PTPRF: variants seen among roughly 807,000 people sequenced by gnomAD.
The protein encoded by PTPRF is receptor-type tyrosine-protein phosphatase F.
In PTPRF, 59 loss-of-function variants were observed where a neutral mutation model predicts 201.8. That is an observed-to-expected ratio of 0.29 (90% CI 0.24 to 0.36). The LOEUF (loss-of-function observed/expected upper bound fraction) is 0.36, where lower values mean the gene tolerates loss of function less well. PTPRF is among the 10% of genes least tolerant of loss of function. The pLI, the probability that PTPRF is intolerant of heterozygous loss-of-function variation, is 1.00. For synonymous variants in PTPRF, 1,088 were observed against 1,089.7 expected, an observed-to-expected ratio of 1.00 and a Z score of 0.03; for missense variants, 2,132 against 2,690.5, an observed-to-expected ratio of 0.79 and a Z score of 4.59.
In PTPRF at chr1:43,550,175, C is replaced by T. The variant is rs533163907; in HGVS notation, c.92-3317C>T. Among the ~76,000 whole-genome samples, 20 of 152,282 alleles carry T rather than the reference C, an allele frequency of 1.3e-4. No homozygotes were observed. In the South Asian group the frequency reaches 4.1e-3, roughly 32 times the overall value. On this transcript the variant is annotated intron_variant, in intron 3 of 33. Transcript: ENST00000359947. ...GTTGGGTGGGCGGGCAGGGTGCAGG[C>T]TCCTCTCCAGCCTCCAAGGGAGGGG...
Position 43,545,053 on chromosome 1 carries a change from T to C in PTPRF, c.-23T>C, listed in dbSNP as rs751189277. ...CAGGTTGATTGTCCTGGGCTGTGGC[T>C]GGCTGTGGAGCTAGAGCCCTGGATG... is the stretch of plus-strand genomic sequence containing the variant. On this transcript the variant is annotated 5_prime_UTR_variant, in exon 3 of 34. Coordinates refer to ENST00000359947, the MANE Select transcript of PTPRF (RefSeq NM_002840.5). 10 of 1,553,592 alleles carry C rather than the reference T, an allele frequency of 6.4e-6. No homozygotes were observed. In the Admixed American group the frequency reaches 1.7e-4, roughly 27 times the overall value.
At position 43,606,391 on chromosome 1, in the gene PTPRF, G is replaced by A. The variant is rs376364770; in HGVS notation, c.3635G>A (p.Arg1212Gln). ...DKKNYRGFYNRPLSPDLSYQC... is the reference protein window; with the variant it reads ...DKKNYRGFYNQPLSPDLSYQC... ...AAGAACTACCGGGGCTTCTACAACC[G>A]GCCCCTGTCTCCGGACTTGAGCTAC... The change falls in exon 20 of 34, where the codon CGG (arginine) becomes CAG (glutamine). Residue 1212 changes from arginine (R) to glutamine (Q), a missense_variant. Coordinates refer to ENST00000359947, the MANE Select transcript of PTPRF (RefSeq NM_002840.5). 246 of 1,614,014 alleles carry A rather than the reference G, an allele frequency of 1.5e-4. No homozygotes were observed. The highest frequency in any genetic ancestry group is 1.9e-4 in the Non-Finnish European group (225 of 1,180,026).
In PTPRF at chr1:43,619,505, G is replaced by A. The variant is rs1303429374; in HGVS notation, c.4864G>A (p.Ala1622Thr). The A allele has an allele frequency of 6.2e-7, 1 of 1,614,052 alleles. No homozygotes were observed. The highest frequency in any genetic ancestry group is 8.5e-7 in the Non-Finnish European group (1 of 1,180,024). ...AGAGGTGCCTGCCCGCAACCTGTAT[G>A]CCCACATCCAGAAGCTGGGCCAAGT... is the stretch of plus-strand genomic sequence containing the variant. ...HTEVPARNLYAHIQKLGQVPP... is the reference protein window; with the variant it reads ...HTEVPARNLYTHIQKLGQVPP... The change falls in exon 28 of 34, where the codon GCC becomes ACC. Residue 1622 changes from alanine to threonine, a missense_variant. Physicochemically the swap from Ala to Thr is moderately conservative, Grantham distance 58. Transcript: ENST00000359947.
rs1296095019 is a variant in PTPRF at position 43,569,512 on chromosome 1, T to G, written c.380-78T>G. The G allele has an allele frequency of 4.8e-6, 7 of 1,447,158 alleles. No homozygotes were observed. In the Admixed American group the frequency reaches 6.8e-5, roughly 14 times the overall value. 89.6% of individuals were successfully genotyped at this position (1,447,158 alleles called of 1,614,324 possible). A position where few individuals can be genotyped will look rare whatever the true frequency, so the allele number is the denominator to read the frequency against. On this transcript the variant is annotated intron_variant, in intron 5 of 33. Transcript: ENST00000359947. Reference sequence around the variant, plus strand: ...CTTGAGGGCCCTGGCCAACCTGCAGTTGGGGAGGTTACCCCCAGAGGGGTC... The same window carrying G: ...CTTGAGGGCCCTGGCCAACCTGCAGGTGGGGAGGTTACCCCCAGAGGGGTC...
intron 7 of PTPRF, among the ~76,000 whole-genome samples, chr1:43,580,554 G>C (rs1012803065): frequency 1.3e-5 from 2 of 152,212 alleles, no homozygotes; most frequent in African/African-American, 4.8e-5. Flanking sequence ...CTGTCTTCAG[G>C]AACAAGAGCC....
intron 5 of PTPRF, among the ~76,000 whole-genome samples, chr1:43,561,375 C>G (rs955607871): frequency 6.6e-6 from 1 of 152,182 alleles, no homozygotes; most frequent in South Asian, 2.1e-4. Flanking sequence ...TGACTTGGCC[C>G]AGGCCTGACT....
At chr1:43,575,939 G>C in intron 6 of PTPRF, 3 of 1,364,758 alleles carry the variant, frequency 2.2e-6, no homozygotes, top group South Asian at 1.1e-5. Context: ...TAAGAATGCT[G>C]TCCGTGCCTC....
In PTPRF at chr1:43,603,391, G is replaced by A. The variant is rs893209315; in HGVS notation, c.2341-25G>A. 6.9e-6 allele frequency: 11 copies of A among 1,602,398 alleles called. No individual in the cohort carries two copies. Among genetic ancestry groups the A allele is most frequent in the Admixed American group, 6.7e-5 (4 of 59,982 alleles). ...GCCTCTCCCTGCATTCTTGTGATGGGAACGAACCCCTCCTCCTCCCTCAGG... is the reference window on the plus strand; with the variant it reads ...GCCTCTCCCTGCATTCTTGTGATGGAAACGAACCCCTCCTCCTCCCTCAGG... On this transcript the variant is annotated intron_variant, in intron 14 of 33. Transcript: ENST00000359947. This position sits in a 1 kb window ranked among gnomAD's most constrained non-coding sequence, Gnocchi z 5.8.
chr1:43,591,794 T>A lies in PTPRF; in HGVS notation c.1532-18T>A. 6.2e-7 allele frequency: 1 copy of A among 1,612,524 alleles called. No homozygotes were observed. Among genetic ancestry groups the A allele is most frequent in the Non-Finnish European group, 8.5e-7 (1 of 1,179,688 alleles). On this transcript the variant is annotated intron_variant, in intron 9 of 33. Coordinates refer to ENST00000359947, the MANE Select transcript of PTPRF (RefSeq NM_002840.5). Reference sequence around the variant, plus strand: ...CTCACGCAGATGAGGCTGACCTGCCTGGTGTGGGGTGTTGCAGTGCCTGCC... The same window carrying A: ...CTCACGCAGATGAGGCTGACCTGCCAGGTGTGGGGTGTTGCAGTGCCTGCC...
intron 12 of PTPRF, 156 bp from the exon 13 acceptor site, chr1:43,598,564 C>T (rs1180640677): frequency 1.3e-5 from 9 of 703,922 alleles, no homozygotes; most frequent in Non-Finnish European, 2.1e-5. Context: ...GGGAGCCTTC[C>T]GTGTGCCTCA....
At chr1:43,578,679 G>A in intron 6 of PTPRF, 131 bp from the exon 7 acceptor site, 1 of 673,658 alleles carries the variant, frequency 1.5e-6, no homozygotes, top group Admixed American at 2.5e-5. Flanking sequence ...CAGCAGGGGT[G>A]CCAGGGTGTG....
chr1:43,543,091 T>C (rs1269656511), intron 2 of PTPRF, among the ~76,000 whole-genome samples: 1 of 152,144 alleles, frequency 6.6e-6, no homozygotes, highest in African/African-American at 2.4e-5. Context: ...TATAAACTCA[T>C]GTGTCTCATT....
At chr1:43,572,048 C>T (rs1646608289) in intron 6 of PTPRF, among the ~76,000 whole-genome samples, 2 of 152,362 alleles carry the variant, frequency 1.3e-5, no homozygotes, top group South Asian at 4.1e-4. Flanking sequence ...CTGTGCTGAC[C>T]CGTCCTTGGT....
In PTPRF at chr1:43,589,000, G is replaced by C. The variant is rs1184703085; in HGVS notation, c.949G>C (p.Ala317Pro). 2.1e-5 allele frequency: 32 copies of C among 1,546,048 alleles called. No individual in the cohort carries two copies. The highest frequency in any genetic ancestry group is 2.6e-5 in the Non-Finnish European group (30 of 1,140,600). ...IEATAQVTVK[A>P]LPKPPIDLVV... ...GGCCACAGCCCAGGTCACAGTGAAA[G>C]GTGAGTGTGGCAGGTGCTGTAACCA... Residue 317 changes from alanine (A) to proline (P), a missense_variant and splice_region_variant, in exon 8 of 34, where the codon GCT becomes CCT. Around this residue, in one of 6 missense-constraint regions of PTPRF, gnomAD observed 297 missense variants for 454.0 expected, o/e 0.65. Transcript: ENST00000359947. This position sits in a 1 kb window ranked among gnomAD's most constrained non-coding sequence, Gnocchi z 5.3.
intron 23 of PTPRF, among the ~76,000 whole-genome samples, chr1:43,615,661 G>A (rs1036870859): frequency 2.0e-5 from 3 of 148,136 alleles, no homozygotes; most frequent in African/African-American, 7.6e-5. Flanking sequence ...CTGCCTCCTG[G>A]GTTCACGCCA....
chr1:43,596,867 G>A (rs1167347165), intron 11 of PTPRF, among the ~76,000 whole-genome samples: 1 of 152,238 alleles, frequency 6.6e-6, no homozygotes, highest in Non-Finnish European at 1.5e-5. Context: ...GAGAGATGCT[G>A]TGTCAGAACT....
At chr1:43,572,479 A>G (rs1013361171) in intron 6 of PTPRF, among the ~76,000 whole-genome samples, 3 of 152,124 alleles carry the variant, frequency 2.0e-5, no homozygotes, top group Non-Finnish European at 4.4e-5. Flanking sequence ...GGCCTCAACC[A>G]TCCCACCTCT....
chr1:43,591,976 G>A (rs777956054), intron 10 of PTPRF, 28 bp downstream of exon 10: 1 of 1,611,120 alleles, frequency 6.2e-7, no homozygotes, highest in Non-Finnish European at 8.5e-7. Context: ...AAGCACTGAG[G>A]GGGTCTCCTG....
chr1:43,548,613 T>G (rs1644829582), intron 3 of PTPRF, among the ~76,000 whole-genome samples: 1 of 152,150 alleles, frequency 6.6e-6, no homozygotes, highest in Admixed American at 6.5e-5. Context: ...ATGAGGTGCC[T>G]GGAACCTAGT....
Sources: allele counts gnomAD v4.1 joint callset (sites outside exome capture counted in the v4.1 genomes callset), GRCh38; gene constraint gnomAD v4.1.1; regional missense constraint gnomAD v4.1.1; non-coding constraint Gnocchi (gnomAD v3.1); transcripts MANE v1.5; gene names NCBI Gene and HGNC (gene_info 2026-07-23, HGNC 2026-07-21).